The following CCDC169 variants were observed in gnomAD, a reference collection of about 807,000 sequenced individuals.
The protein encoded by CCDC169 is coiled-coil domain-containing protein 169.
Under a neutral mutation model 36.0 loss-of-function variants are expected in CCDC169, and 30 were observed. That is an observed-to-expected ratio of 0.83 (90% confidence interval 0.62 to 1.13). The LOEUF is 1.13. Ranked by LOEUF, CCDC169 falls within the 50% of genes most tolerant of loss-of-function variation. CCDC169 has a pLI of 0.00. For synonymous variants in CCDC169, 85 were observed against 81.5 expected, an observed-to-expected ratio of 1.04 and a Z score of -0.23; for missense variants, 245 against 245.9, an observed-to-expected ratio of 1.00 and a Z score of 0.03.
chr13:36,240,385 G>C (rs1285708188), intron 7 of CCDC169, among the ~76,000 whole-genome samples: 1 of 151,752 alleles, frequency 6.6e-6, no homozygotes, highest in Non-Finnish European at 1.5e-5. Context: ...TACTATTATA[G>C]GTAAGCGTTT....
chr13:36,276,668 G>C (rs867015997), intron 4 of CCDC169, among the ~76,000 whole-genome samples: 1 of 152,216 alleles, frequency 6.6e-6, no homozygotes, highest in Middle Eastern at 3.4e-3. Flanking sequence ...AGGAAAACTA[G>C]AGAAAGAGAA....
chr13:36,276,148 A>G (rs1395341732), intron 4 of CCDC169, among the ~76,000 whole-genome samples: 1 of 152,236 alleles, frequency 6.6e-6, no homozygotes, highest in Non-Finnish European at 1.5e-5. Flanking sequence ...AAGCCAATTC[A>G]TCAAAGGATT....
chr13:36,286,616 TTCTC>T (rs368203401), intron 2 of CCDC169, among the ~76,000 whole-genome samples: 17 of 152,140 alleles, frequency 1.1e-4, no homozygotes, highest in African/African-American at 3.9e-4. Flanking sequence ...TTGTCTCTCT[TTCTC>T]TCTCTCTTTC....
chr13:36,292,155 T>C (rs1235992756), intron 2 of CCDC169, among the ~76,000 whole-genome samples: 1 of 152,026 alleles, frequency 6.6e-6, no homozygotes, highest in Non-Finnish European at 1.5e-5. Flanking sequence ...ACCTGACTAA[T>C]TTTTCTTTTG....
intron 4 of CCDC169, chr13:36,280,676 T>C (rs972644512): frequency 1.3e-5 from 2 of 152,224 alleles, no homozygotes; most frequent in Non-Finnish European, 2.9e-5. Context: ...TCAATATGTA[T>C]GCATACAAAA....
intron 2 of CCDC169, among the ~76,000 whole-genome samples, chr13:36,288,949 C>T (rs1433387967): frequency 1.3e-5 from 2 of 151,832 alleles, no homozygotes; most frequent in African/African-American, 4.8e-5. Context: ...TAGGACAAGT[C>T]AGAAAGTCCA....
intron 5 of CCDC169, 37 bp from the exon 6 acceptor site, chr13:36,253,893 GAGA>G: frequency 6.5e-7 from 1 of 1,546,824 alleles, no homozygotes; most frequent in Non-Finnish European, 8.7e-7. Flanking sequence ...TCCAACATAT[GAGA>G]AGATTAGCAA....
At chr13:36,252,701 T>C (rs545407570) in intron 6 of CCDC169, among the ~76,000 whole-genome samples, 3 of 152,308 alleles carry the variant, frequency 2.0e-5, no homozygotes, top group South Asian at 2.1e-4. Flanking sequence ...GACTTCACTT[T>C]TTATATAATA....
chr13:36,244,064 G>C (rs1723768383), intron 7 of CCDC169, among the ~76,000 whole-genome samples: 1 of 152,150 alleles, frequency 6.6e-6, no homozygotes, highest in Non-Finnish European at 1.5e-5. Flanking sequence ...TTTTAGAACA[G>C]ATATGAATTG....
At chr13:36,295,999 AG>A in intron 1 of CCDC169, 142 bp from the exon 2 acceptor site, 1 of 539,084 alleles carries the variant, frequency 1.9e-6, no homozygotes, top group Admixed American at 3.6e-5. Context: ...AATAAGACTC[AG>A]GCAAAGGAAG....
intron 4 of CCDC169, among the ~76,000 whole-genome samples, chr13:36,269,005 T>A (rs767483493): frequency 6.6e-6 from 1 of 152,128 alleles, no homozygotes; most frequent in Non-Finnish European, 1.5e-5. Flanking sequence ...CTCGGGAGGC[T>A]GAGGCAGGAG....
chr13:36,275,241 C>T (rs1055490505), intron 4 of CCDC169, among the ~76,000 whole-genome samples: 2 of 151,892 alleles, frequency 1.3e-5, no homozygotes, highest in African/African-American at 4.8e-5. Context: ...CTCCACTGAA[C>T]GCTTACAAAA....
chr13:36,227,308 C>CTG (rs1869943529), downstream of CCDC169: 1 of 1,551,330 alleles, frequency 6.4e-7, no homozygotes, highest in Non-Finnish European at 8.7e-7. Flanking sequence ...GGTCCAGCCA[C>CTG]ACCTGCAGCA....
chr13:36,285,603 A>ATAGATAGATAGATAGATAGACAGC (rs1276014417), intron 2 of CCDC169, among the ~76,000 whole-genome samples: 1 of 148,146 alleles, frequency 6.8e-6, no homozygotes, highest in Non-Finnish European at 1.5e-5. Context: ...AGATAGATAG[A>ATAGATAGATAGATAGATAGACAGC]TAGATAGATA....
chr13:36,283,565 A>T, intron 3 of CCDC169, 27 bp downstream of exon 3: 1 of 1,550,956 alleles, frequency 6.4e-7, no homozygotes, highest in Non-Finnish European at 8.7e-7. Flanking sequence ...CTCAAATTAT[A>T]AAATGTACAT....
intron 7 of CCDC169, among the ~76,000 whole-genome samples, chr13:36,234,286 T>G (rs892361449): frequency 6.6e-6 from 1 of 152,116 alleles, no homozygotes; most frequent in African/African-American, 2.4e-5. Flanking sequence ...TTAGCAAACT[T>G]CAGGGGCGAA....
At position 36,283,479 on chromosome 13, in the gene CCDC169, C is replaced by G. The variant is rs537970783; in HGVS notation, c.305G>C (p.Arg102Pro). The G allele has an allele frequency of 4.5e-6, 7 of 1,549,510 alleles. No homozygotes were observed. The South Asian group carries it at 7.1e-5, about 16-fold the overall frequency. ...DRLSSIRVYE[R>P]MPVESLNTLL... ...CACATTTCTACTCACCACTGGCATT[C>G]GTTCATAGACACGAATAGAAGATAG... The change falls in exon 4 of 8, where the codon CGA becomes CCA. Residue 102 changes from arginine (R) to proline (P), a missense_variant. Coordinates refer to ENST00000239859, the MANE Select transcript of CCDC169 (RefSeq NM_001144981.3).
intron 7 of CCDC169, chr13:36,240,700 C>T: frequency 1.0e-6 from 1 of 974,874 alleles, no homozygotes; most frequent in Non-Finnish European, 1.4e-6. Context: ...AGGTTTCACA[C>T]TAAAGAAAAA....
intron 7 of CCDC169, among the ~76,000 whole-genome samples, chr13:36,245,182 C>T (rs563731875): frequency 1.1e-4 from 17 of 152,234 alleles, no homozygotes; most frequent in African/African-American, 3.4e-4. Flanking sequence ...TTTTTCCCTA[C>T]ATGGGATAAA....
Sources: allele counts gnomAD v4.1 joint callset (sites outside exome capture counted in the v4.1 genomes callset), GRCh38; gene constraint gnomAD v4.1.1; transcripts MANE v1.5; gene names NCBI Gene and HGNC (gene_info 2026-07-23, HGNC 2026-07-21).